Variants in BMPER observed in about 807,000 individuals in gnomAD.
The protein encoded by BMPER is BMP-binding endothelial regulator protein.
Under a neutral mutation model 87.3 loss-of-function variants are expected in BMPER, and 45 were observed. The ratio of observed to expected loss-of-function variants is 0.52; its 90% CI spans 0.41 to 0.66. The LOEUF is 0.66. Ranked by LOEUF, BMPER falls within the 30% of genes least tolerant of loss-of-function variation. The probability of loss-of-function intolerance (pLI) is 0.00; values close to 1 mark genes in which losing one functional copy is unlikely to be tolerated. For missense variants in BMPER, 784 were observed against 867.5 expected (o/e 0.90, Z 1.21); for synonymous variants, 326 against 316.2 (o/e 1.03, Z -0.33).
intron 6 of BMPER, among the ~76,000 whole-genome samples, chr7:33,993,716 T>G: frequency 6.6e-6 from 1 of 152,156 alleles, no homozygotes; most frequent in Non-Finnish European, 1.5e-5. Flanking sequence ...AGTTTCCAGT[T>G]TTTCTGTTCT....
Position 34,061,985 on chromosome 7 carries a change from G to C in BMPER, c.1033-17G>C, listed in dbSNP as rs773247834. 7.2e-7 allele frequency: 1 copy of C among 1,381,796 alleles called. No homozygotes were observed. The highest frequency in any genetic ancestry group is 1.0e-6 in the Non-Finnish European group (1 of 997,862). The allele number at this position is 1,381,796 out of a possible 1,614,324, so 85.6% of individuals were successfully genotyped here. A position where few individuals can be genotyped will look rare whatever the true frequency, so the allele number is the denominator to read the frequency against. On this transcript the variant is annotated splice_polypyrimidine_tract_variant and intron_variant, in intron 10 of 14. Coordinates refer to ENST00000649409, the MANE Select transcript of BMPER (RefSeq NM_001365308.1). ...TTTTTTAAACAGTAACTTTGTATTT[G>C]TTTTTCTTCTGATTAGGGCAAAATT...
rs1378654336 is a variant in BMPER at position 34,155,627 on chromosome 7, T to A, written c.*2354T>A. On this transcript the variant is annotated 3_prime_UTR_variant, in exon 15 of 15. Transcript: ENST00000649409. ...CAGAAAATTACTTGGGTTTACTAAT[T>A]CAAAGAGCCATCTCTGATGGGAGAG... 3.9e-5 allele frequency: 6 copies of A among 152,210 alleles called. No individual in the cohort carries two copies. The highest frequency in any genetic ancestry group is 8.8e-5 in the Non-Finnish European group (6 of 68,036). 9.4% of individuals were successfully genotyped at this position (152,210 alleles called of 1,614,324 possible).
chr7:33,906,974 A>G, intron 2 of BMPER, 71 bp downstream of exon 2: 1 of 1,342,358 alleles, frequency 7.4e-7, no homozygotes, highest in South Asian at 1.2e-5. Flanking sequence ...AAATGTGATA[A>G]TATAACCAGA....
intron 2 of BMPER, among the ~76,000 whole-genome samples, chr7:33,914,111 C>T (rs6952196): frequency 0.013 from 1,918 of 151,862 alleles, 43 homozygotes; most frequent in African/African-American, 0.044. Flanking sequence ...TACAGGCGCC[C>T]GCCACTATGC....
chr7:34,037,626 G>A (rs1787715570), intron 6 of BMPER, among the ~76,000 whole-genome samples: 1 of 152,242 alleles, frequency 6.6e-6, no homozygotes, highest in Non-Finnish European at 1.5e-5. Flanking sequence ...TTCAACTTAA[G>A]GGGTTGGTGC....
At chr7:34,080,835 G>A (rs774049416) in intron 12 of BMPER, among the ~76,000 whole-genome samples, 3 of 152,144 alleles carry the variant, frequency 2.0e-5, no homozygotes, top group African/African-American at 4.8e-5. Flanking sequence ...TGTTCCATTC[G>A]CAGCTGACAC....
intron 2 of BMPER, among the ~76,000 whole-genome samples, chr7:33,922,886 A>G (rs536121734): frequency 1.3e-5 from 2 of 152,328 alleles, no homozygotes; most frequent in African/African-American, 4.8e-5. Flanking sequence ...TCCAGGGGAA[A>G]CTTTAACAAC....
intron 6 of BMPER, among the ~76,000 whole-genome samples, chr7:34,014,598 G>A (rs969221297): frequency 1.3e-5 from 2 of 151,876 alleles, no homozygotes; most frequent in South Asian, 2.1e-4. Context: ...GGCCAGGACC[G>A]TGGAGTGTGG....
At chr7:33,945,448 C>T (rs1465549732) in intron 3 of BMPER, among the ~76,000 whole-genome samples, 4 of 151,254 alleles carry the variant, frequency 2.6e-5, no homozygotes, top group African/African-American at 4.9e-5. Flanking sequence ...GACGGGGTTT[C>T]GCCATGTTGG....
intron 3 of BMPER, among the ~76,000 whole-genome samples, chr7:33,940,900 A>G (rs917888105): frequency 6.6e-5 from 9 of 136,462 alleles, no homozygotes; most frequent in Non-Finnish European, 1.2e-4. Flanking sequence ...TAGAATTTAT[A>G]TATATTACAT....
intron 6 of BMPER, among the ~76,000 whole-genome samples, chr7:33,992,958 T>C (rs1786271505): frequency 6.8e-6 from 1 of 146,648 alleles, no homozygotes; most frequent in Non-Finnish European, 1.5e-5. Context: ...CACTCTCTTC[T>C]GGCTTGTAGA....
intron 13 of BMPER, among the ~76,000 whole-genome samples, chr7:34,119,991 T>G (rs1245443698): frequency 6.6e-6 from 1 of 152,144 alleles, no homozygotes; most frequent in Admixed American, 6.5e-5. Flanking sequence ...AATAATATAC[T>G]AGGAAAATAT....
intron 3 of BMPER, among the ~76,000 whole-genome samples, chr7:33,941,556 G>C (rs1471962607): frequency 6.6e-6 from 1 of 152,016 alleles, no homozygotes; most frequent in African/African-American, 2.4e-5. Flanking sequence ...TCCCATCTAG[G>C]GTTGATGGGA....
intron 13 of BMPER, among the ~76,000 whole-genome samples, chr7:34,123,459 A>G (rs561408804): frequency 6.6e-6 from 1 of 152,168 alleles, no homozygotes; most frequent in Non-Finnish European, 1.5e-5. Flanking sequence ...GAGTTTTCTG[A>G]TGCCCTGGCC....
At chr7:34,114,372 A>G (rs1790057787) in intron 13 of BMPER, among the ~76,000 whole-genome samples, 1 of 152,224 alleles carries the variant, frequency 6.6e-6, no homozygotes, top group African/African-American at 2.4e-5. Context: ...CAGATTTGAC[A>G]CATGGAATCT....
chr7:34,037,633 G>A (rs892058309), intron 6 of BMPER, among the ~76,000 whole-genome samples: 2 of 152,254 alleles, frequency 1.3e-5, no homozygotes, highest in African/African-American at 4.8e-5. Flanking sequence ...TAAGGGGTTG[G>A]TGCTGGCCAG....
At position 33,961,622 on chromosome 7, in the gene BMPER, G is replaced by A. The variant is rs1785273488; in HGVS notation, c.320-4857G>A. ...GAAAGCATCTAGAAGGTGTGGGAGG[G>A]CACTGAAGAAGGAAAGCCCGGTCAG... On this transcript the variant is annotated intron_variant, in intron 3 of 14. Transcript: ENST00000649409. Among the ~76,000 whole-genome samples, 4 of 152,202 alleles carry A rather than the reference G, an allele frequency of 2.6e-5. 1 individual carries two copies. The South Asian group carries it at 8.3e-4, about 31-fold the overall frequency.
At chr7:34,042,189 C>T (rs1262896603) in intron 6 of BMPER, among the ~76,000 whole-genome samples, 1 of 152,160 alleles carries the variant, frequency 6.6e-6, no homozygotes, top group East Asian at 1.9e-4. Context: ...ATAGACTTGG[C>T]ATAGGTTTCA....
chr7:33,962,320 C>T (rs1256632252), intron 3 of BMPER, among the ~76,000 whole-genome samples: 1 of 152,042 alleles, frequency 6.6e-6, no homozygotes, highest in Non-Finnish European at 1.5e-5. Context: ...AAATAATTAA[C>T]ATAAAAAAAG....
Sources: gnomAD v4.1 joint callset for allele counts (sites outside exome capture counted in the v4.1 genomes callset) on GRCh38, gnomAD v4.1.1 for gene constraint, MANE v1.5 for transcripts, NCBI Gene and HGNC (gene_info 2026-07-23, HGNC 2026-07-21) for gene names.